Variants in RSF1 observed in about 807,000 individuals in gnomAD.
RSF1 encodes HBV pX-associated protein 8.
In RSF1, 13 loss-of-function variants were observed where a neutral mutation model predicts 145.2. That is an observed-to-expected ratio of 0.09 (90% confidence interval 0.06 to 0.14). The LOEUF is 0.14. Ranked by LOEUF, RSF1 falls within the 10% of genes least tolerant of loss-of-function variation. The probability of loss-of-function intolerance (pLI) is 1.00; values close to 1 mark genes in which losing one functional copy is unlikely to be tolerated. For synonymous variants in RSF1, 577 were observed against 592.6 expected (o/e 0.97, Z 0.38); for missense variants, 1,517 against 1,718.2 (o/e 0.88, Z 2.07).
intron 1 of RSF1, among the ~76,000 whole-genome samples, chr11:77,805,420 G>T (rs1045391326): frequency 1.3e-5 from 2 of 151,338 alleles, no homozygotes; most frequent in South Asian, 2.1e-4. Flanking sequence ...CAGCCTGGGG[G>T]AGAAAGCGAG....
At position 77,683,896 on chromosome 11, in the gene RSF1, T is replaced by G. The variant is rs1044910905; in HGVS notation, c.2956-77A>C. 4 of 1,098,258 alleles carry G rather than the reference T, an allele frequency of 3.6e-6. No homozygotes were observed. In the African/African-American group the frequency reaches 6.3e-5, roughly 17 times the overall value. 68.0% of individuals were successfully genotyped at this position (1,098,258 alleles called of 1,614,324 possible). On this transcript the variant is annotated intron_variant, in intron 10 of 15. Coordinates refer to ENST00000308488, the MANE Select transcript of RSF1 (RefSeq NM_016578.4). Reference sequence around the variant, plus strand: ...TTCCTTGGGATAAACAGTTTTGTAATCTCCATTTAGGTAGCACATGTGAAA... The same window carrying G: ...TTCCTTGGGATAAACAGTTTTGTAAGCTCCATTTAGGTAGCACATGTGAAA...
intron 1 of RSF1, among the ~76,000 whole-genome samples, chr11:77,784,922 T>C (rs1948439738): frequency 6.6e-6 from 1 of 152,250 alleles, no homozygotes; most frequent in South Asian, 2.1e-4. Flanking sequence ...AGGTAGCCCA[T>C]GTACAGATTT....
intron 7 of RSF1, among the ~76,000 whole-genome samples, chr11:77,695,321 C>T (rs537663239): frequency 6.6e-6 from 1 of 152,158 alleles, no homozygotes; most frequent in East Asian, 1.9e-4. Flanking sequence ...ACGATTGTTA[C>T]TGTGGTGTTC....
At chr11:77,669,031 G>A (rs1408537448) in intron 15 of RSF1, among the ~76,000 whole-genome samples, 1 of 152,108 alleles carries the variant, frequency 6.6e-6, no homozygotes, top group Non-Finnish European at 1.5e-5. Context: ...TCTAAAACTG[G>A]GCTCCTAAAC....
At chr11:77,725,482 G>C in intron 5 of RSF1, 63 bp downstream of exon 5, 2 of 1,231,208 alleles carry the variant, frequency 1.6e-6, no homozygotes, top group South Asian at 2.3e-5. Flanking sequence ...TAGTTGGGAA[G>C]AGGAGTGGAA....
At chr11:77,732,796 C>G (rs1160853747) in intron 4 of RSF1, among the ~76,000 whole-genome samples, 2 of 152,216 alleles carry the variant, frequency 1.3e-5, no homozygotes, top group Non-Finnish European at 2.9e-5. Context: ...AAACCTCTTT[C>G]TTTTGCAAAT....
At chr11:77,784,884 A>G (rs1186412915) in intron 1 of RSF1, among the ~76,000 whole-genome samples, 2 of 152,206 alleles carry the variant, frequency 1.3e-5, no homozygotes, top group Non-Finnish European at 2.9e-5. Flanking sequence ...CTGTTTGCAT[A>G]TACGACCTAG....
At position 77,701,032 on chromosome 11, in the gene RSF1, T is replaced by C. The variant is rs1960408422; in HGVS notation, c.2197A>G (p.Ile733Val). The C allele has an allele frequency of 6.2e-7, 1 of 1,613,716 alleles. No individual in the cohort carries two copies. The highest frequency in any genetic ancestry group is 1.1e-5 in the South Asian group (1 of 91,088). Reference protein sequence around the residue: ...EITSERQKEGIKLTIRISSRK... With the variant: ...EITSERQKEGVKLTIRISSRK... ...CTTGATATCCTGATTGTTAATTTGA[T>C]GCCCTCTTTCTGCCTTTCAGAGGTT... The change falls in exon 6 of 16, where the codon ATC becomes GTC. Residue 733 changes from isoleucine to valine, a missense_variant. By Grantham distance (29) the Ile-to-Val change is conservative. This residue lies in a region of RSF1 where 579 missense variants were observed against 553.5 expected (regional missense o/e 1.05). Transcript: ENST00000308488.
intron 4 of RSF1, among the ~76,000 whole-genome samples, chr11:77,737,609 T>C (rs1176647388): frequency 7.2e-6 from 1 of 138,080 alleles, no homozygotes; most frequent in East Asian, 2.2e-4. Context: ...AGAAGTTTTA[T>C]GTGTTTTGGG....
chr11:77,736,433 A>G (rs1227860364), intron 4 of RSF1, among the ~76,000 whole-genome samples: 1 of 152,248 alleles, frequency 6.6e-6, no homozygotes, highest in East Asian at 1.9e-4. Context: ...AAACAGAAAT[A>G]CCATGCTCCA....
At chr11:77,767,865 T>A (rs1389234506) in intron 1 of RSF1, among the ~76,000 whole-genome samples, 1 of 152,210 alleles carries the variant, frequency 6.6e-6, no homozygotes, top group African/African-American at 2.4e-5. Flanking sequence ...ATACAACTGG[T>A]ACTATTTTTT....
At chr11:77,798,577 A>G (rs11525472) in intron 1 of RSF1, among the ~76,000 whole-genome samples, 6 of 103,870 alleles carry the variant, frequency 5.8e-5, no homozygotes, top group Non-Finnish European at 1.1e-4. Flanking sequence ...ACGAGACTCC[A>G]TCTTAAAAAA....
At chr11:77,831,291 G>A in the RSF1 span, among the ~76,000 whole-genome samples, 1 of 152,122 alleles carries the variant, frequency 6.6e-6, no homozygotes, top group African/African-American at 2.4e-5. Flanking sequence ...CAGTCTGATA[G>A]CTCCTCAAAA....
chr11:77,821,156 C>T, upstream of RSF1: 1 of 390,382 alleles, frequency 2.6e-6, no homozygotes, highest in Non-Finnish European at 4.6e-6. Context: ...TTGGGGAGCG[C>T]AGATCCCGAA....
intron 6 of RSF1, among the ~76,000 whole-genome samples, chr11:77,700,335 G>A (rs892045733): frequency 9.9e-6 from 1 of 101,052 alleles, no homozygotes; most frequent in Non-Finnish European, 1.8e-5. Flanking sequence ...TGGCGACAGA[G>A]CAAGACTGTC....
chr11:77,750,596 T>C (rs1948051778), intron 2 of RSF1, among the ~76,000 whole-genome samples: 1 of 152,214 alleles, frequency 6.6e-6, no homozygotes, highest in African/African-American at 2.4e-5. Flanking sequence ...ATTAGCTGTG[T>C]CTATCAGAGA....
intron 5 of RSF1, chr11:77,703,379 C>T (rs1418009049): frequency 6.6e-6 from 1 of 152,182 alleles, no homozygotes; most frequent in African/African-American, 2.4e-5. Flanking sequence ...ATACAGACTG[C>T]ATTCCAGAAT....
chr11:77,690,262 A>C (rs1960119198), intron 9 of RSF1, among the ~76,000 whole-genome samples: 1 of 152,106 alleles, frequency 6.6e-6, no homozygotes, highest in Admixed American at 6.5e-5. Context: ...TCAGTAGGAC[A>C]CAATTCAGCA....
intron 5 of RSF1, among the ~76,000 whole-genome samples, chr11:77,718,984 C>CA (rs1341468942): frequency 8.5e-5 from 13 of 152,140 alleles, no homozygotes; most frequent in African/African-American, 3.1e-4. Flanking sequence ...TGCAGTGGCT[C>CA]ACGCCTATAA....
Sources: gnomAD v4.1 joint callset for allele counts (sites outside exome capture counted in the v4.1 genomes callset) on GRCh38, gnomAD v4.1.1 for gene constraint, gnomAD v4.1.1 regional missense constraint, MANE v1.5 for transcripts, NCBI Gene and HGNC (gene_info 2026-07-23, HGNC 2026-07-21) for gene names.